Variants in SSUH2 observed in about 807,000 individuals in gnomAD.
SSUH2 encodes the protein ssu-2 homolog.
Under a neutral mutation model 55.3 loss-of-function variants are expected in SSUH2, and 47 were observed. The observed-to-expected ratio is 0.85, with a 90% CI of 0.67 to 1.08. The LOEUF is 1.08. SSUH2 is among the 50% of genes least tolerant of loss of function. The pLI is 0.00. For missense variants in SSUH2, 535 were observed against 490.7 expected, an observed-to-expected ratio of 1.09 and a Z score of -0.85; for synonymous variants, 212 against 191.5, an observed-to-expected ratio of 1.11 and a Z score of -0.89.
At chr3:8,649,715 C>A (rs553034673), upstream of SSUH2, among the ~76,000 whole-genome samples, 2 of 152,236 alleles carry the variant, frequency 1.3e-5, no homozygotes, top group South Asian at 2.1e-4. Context: ...GCCTGAGCCC[C>A]CTGCCCCCCT....
At chr3:8,678,457 TC>T (rs939713434) in intron 2 of SSUH2, among the ~76,000 whole-genome samples, 19 of 150,564 alleles carry the variant, frequency 1.3e-4, no homozygotes, top group African/African-American at 3.9e-4. Flanking sequence ...TCCGCCTCTA[TC>T]CCCCCCTGGC....
At chr3:8,672,763 C>T (rs1704740590) in intron 3 of SSUH2, among the ~76,000 whole-genome samples, 1 of 152,076 alleles carries the variant, frequency 6.6e-6, no homozygotes, top group African/African-American at 2.4e-5. Context: ...TCCTGTGATC[C>T]TGGGAGTAAC....
upstream of SSUH2, among the ~76,000 whole-genome samples, chr3:8,648,459 C>T (rs545181342): frequency 3.3e-5 from 5 of 152,276 alleles, no homozygotes; most frequent in African/African-American, 7.2e-5. Context: ...CTACGATGCC[C>T]GCAGGCCAGA....
chr3:8,632,072 T>G lies in SSUH2; in HGVS notation c.377A>C (p.Glu126Ala). ...LETFSESRIS[E>A]WTFQPFTNHS... ...ACTAGTAAAGGGTTGAAATGTCCAC[T>G]CGCTTATCCTGGATTCACTAAAGGT... The change falls in exon 5 of 12, where the codon GAG becomes GCG. Residue 126 changes from glutamate (E) to alanine (A), a missense_variant. Glu to Ala is a moderately radical substitution (Grantham distance 107). Transcript: ENST00000544814. The G allele has an allele frequency of 6.2e-7, 1 of 1,614,022 alleles. No homozygotes were observed. The highest frequency in any genetic ancestry group is 8.5e-7 in the Non-Finnish European group (1 of 1,179,964).
intron 1 of SSUH2, chr3:8,640,147 AG>A (rs1700595052): frequency 3.4e-6 from 1 of 298,002 alleles, no homozygotes; most frequent in Admixed American, 6.5e-5. Context: ...GTTCCAGAGA[AG>A]GATGGTCATG....
Position 8,681,137 on chromosome 3 carries a change from C to G in SSUH2, c.-1046+754G>C, listed in dbSNP as rs191038650. ...TCTGAGAGCCAGCCCCTCTTCCCCC[C>G]CTGCCTCTTAGGACTTCCATAGCAG... On this transcript the variant is annotated intron_variant, in intron 1 of 18. Coordinates refer to the SSUH2 transcript ENST00000317371. Among the ~76,000 whole-genome samples the G allele has an allele frequency of 9.8e-4, 94 of 95,608 alleles. 4 individuals are homozygous for G. The highest frequency in any genetic ancestry group is 8.2e-3 in the Middle Eastern group (1 of 122). The allele number at this position is 95,608 out of a possible 152,430, so 62.7% of individuals were successfully genotyped here.
chr3:8,625,634 A>G lies in SSUH2; in HGVS notation c.781T>C (p.Phe261Leu), dbSNP rs201784318. The stretch of plus-strand genomic sequence containing the variant: ...AGCCGGTGCTCAGACACAAACTCAA[A>G]CAAGCTGTTCTTCCTGGAGGGAAGG... ...QLVIMWKNSL[F>L]EFVSEHRLNC... Residue 261 changes from phenylalanine to leucine, a missense_variant, in exon 10 of 12, where the codon TTT (phenylalanine) becomes CTT (leucine). Coordinates refer to ENST00000544814, the MANE Select transcript of SSUH2 (RefSeq NM_001256748.3). 2 of 1,613,270 alleles carry G rather than the reference A, an allele frequency of 1.2e-6. No individual in the cohort carries two copies. Among genetic ancestry groups the G allele is most frequent in the Non-Finnish European group, 8.5e-7 (1 of 1,179,248 alleles).
intron 1 of SSUH2, among the ~76,000 whole-genome samples, chr3:8,636,588 A>G (rs1459439252): frequency 1.3e-5 from 2 of 151,988 alleles, no homozygotes; most frequent in African/African-American, 2.4e-5. Context: ...AGCTTCCTCC[A>G]GTGGACAATC....
At chr3:8,653,967 A>G (rs1702689389) in intron 7 of SSUH2, among the ~76,000 whole-genome samples, 1 of 152,150 alleles carries the variant, frequency 6.6e-6, no homozygotes, top group Admixed American at 6.5e-5. Flanking sequence ...GTTGAACTTG[A>G]TACATTTGGA....
intron 2 of SSUH2, among the ~76,000 whole-genome samples, chr3:8,678,309 G>A (rs1705582504): frequency 6.6e-6 from 1 of 150,668 alleles, no homozygotes; most frequent in Non-Finnish European, 1.5e-5. Context: ...ATCACAGGGT[G>A]GGTGTACACC....
chr3:8,632,137 A>G (rs202152723), intron 4 of SSUH2, 28 bp from the exon 5 acceptor site: 3 of 1,593,538 alleles, frequency 1.9e-6, no homozygotes, highest in Admixed American at 1.7e-5. Flanking sequence ...GCATGTTCAC[A>G]CTCGTGCCCC....
At chr3:8,656,669 A>G (rs1702963014) in intron 7 of SSUH2, among the ~76,000 whole-genome samples, 2 of 152,182 alleles carry the variant, frequency 1.3e-5, no homozygotes, top group Admixed American at 1.3e-4. Context: ...GGTCCTCACT[A>G]CAACCCTGTG....
intron 1 of SSUH2, among the ~76,000 whole-genome samples, chr3:8,680,948 AATT>A (rs1256992667): frequency 1.3e-5 from 2 of 151,586 alleles, no homozygotes; most frequent in Admixed American, 6.6e-5. Flanking sequence ...GTGATGCTGG[AATT>A]ATTATCATCC....
chr3:8,636,964 G>A (rs1484337718), intron 1 of SSUH2, among the ~76,000 whole-genome samples: 1 of 152,186 alleles, frequency 6.6e-6, no homozygotes, highest in Non-Finnish European at 1.5e-5. Context: ...CAAAGTTCGT[G>A]TTCTTTCCAA....
intron 1 of SSUH2, among the ~76,000 whole-genome samples, chr3:8,681,178 C>A (rs1311808703): frequency 7.3e-6 from 1 of 136,786 alleles, no homozygotes; most frequent in Non-Finnish European, 1.6e-5. Context: ...GGAGTCACCC[C>A]ATGCAAGGCG....
chr3:8,624,912 C>T (rs889848693), intron 10 of SSUH2, among the ~76,000 whole-genome samples: 2 of 152,098 alleles, frequency 1.3e-5, no homozygotes, highest in Admixed American at 6.5e-5. Context: ...CTCGCTCCCA[C>T]GCCACAAGGT....
At chr3:8,674,039 C>T (rs1041956707) in intron 3 of SSUH2, among the ~76,000 whole-genome samples, 6 of 152,228 alleles carry the variant, frequency 3.9e-5, no homozygotes, top group African/African-American at 1.2e-4. Flanking sequence ...ACTGCAGAAG[C>T]AGGCTGGGCT....
At chr3:8,643,457 G>C (rs533560761) in intron 1 of SSUH2, among the ~76,000 whole-genome samples, 2 of 152,232 alleles carry the variant, frequency 1.3e-5, no homozygotes, top group South Asian at 2.1e-4. Context: ...TAGAACAAGA[G>C]TATGGATATA....
rs369955843 is a variant in SSUH2, at chr3:8,632,073, C to T, written c.376G>A (p.Glu126Lys). ...LETFSESRISEWTFQPFTNHS... is the reference protein window; with the variant it reads ...LETFSESRISKWTFQPFTNHS... Reference sequence around the variant, plus strand: ...CTAGTAAAGGGTTGAAATGTCCACTCGCTTATCCTGGATTCACTAAAGGTC... The same window carrying T: ...CTAGTAAAGGGTTGAAATGTCCACTTGCTTATCCTGGATTCACTAAAGGTC... Residue 126 changes from glutamate (E) to lysine (K), a missense_variant, in exon 5 of 12, where the codon GAG (glutamate) becomes AAG (lysine). By Grantham distance (56) the Glu-to-Lys change is moderately conservative. Transcript: ENST00000544814. 15 of 1,614,012 alleles carry T rather than the reference C, an allele frequency of 9.3e-6. No homozygotes were observed. The highest frequency in any genetic ancestry group is 3.3e-5 in the South Asian group (3 of 91,064).
Sources: allele counts gnomAD v4.1 joint callset (sites outside exome capture counted in the v4.1 genomes callset), GRCh38; gene constraint gnomAD v4.1.1; transcripts MANE v1.5; gene names NCBI Gene and HGNC (gene_info 2026-07-23, HGNC 2026-07-21).